Variants in GCNT2 observed in about 807,000 individuals in gnomAD.
GCNT2 encodes N-acetyllactosaminide beta-1,6-N-acetylglucosaminyl-transferase.
GCNT2 carries 34 observed loss-of-function variants against 34.2 expected under a neutral mutation model. The ratio of observed to expected loss-of-function variants is 1.00; its 90% CI spans 0.76 to 1.32. The LOEUF (loss-of-function observed/expected upper bound fraction) is 1.32. Among genes scored for constraint, GCNT2 ranks in the 40% most tolerant of loss-of-function variants. GCNT2 has a pLI of 0.00. For missense variants in GCNT2, 584 were observed against 489.4 expected (o/e 1.19, Z -1.82); for synonymous variants, 212 against 188.0 (o/e 1.13, Z -1.04).
chr6:10,523,725 C>T (rs553557188), intron 1 of GCNT2, among the ~76,000 whole-genome samples: 2 of 152,228 alleles, frequency 1.3e-5, no homozygotes, highest in South Asian at 4.1e-4. Context: ...GTAATCCCAG[C>T]ACTTTGGGAG....
chr6:10,589,188 C>G (rs35959377), intron 3 of GCNT2, among the ~76,000 whole-genome samples: 126,624 of 141,156 alleles, frequency 0.9, 56,139 homozygotes, highest in East Asian at 0.99. Context: ...GTATGTGCGT[C>G]ATGTGTGTAT....
At chr6:10,555,660 A>T in intron 3 of GCNT2, 1 of 812,784 alleles carries the variant, frequency 1.2e-6, no homozygotes, top group Non-Finnish European at 1.5e-6. Context: ...TTTCAGAGTC[A>T]GGAGCCCAAG....
rs141541619 is a variant in GCNT2 at position 10,617,049 on chromosome 6, C to T, written c.926-4302C>T. On this transcript the variant is annotated intron_variant, in intron 3 of 4. Coordinates refer to ENST00000495262, the MANE Select transcript of GCNT2 (RefSeq NM_145649.5). Reference sequence around the variant, plus strand: ...GTGGAGCTGCCTGCCAGTCCCACTCCGTGCGCCTGCACTCCTTAGCCTTTG... The same window carrying T: ...GTGGAGCTGCCTGCCAGTCCCACTCTGTGCGCCTGCACTCCTTAGCCTTTG... Among the ~76,000 whole-genome samples, 17 of 152,358 alleles carry T rather than the reference C, an allele frequency of 1.1e-4. No individual in the cohort carries two copies. In the East Asian group the frequency reaches 3.1e-3, roughly 28 times the overall value.
At chr6:10,561,390 G>T (rs543675823) in intron 3 of GCNT2, among the ~76,000 whole-genome samples, 1 of 152,154 alleles carries the variant, frequency 6.6e-6, no homozygotes, top group Non-Finnish European at 1.5e-5. Context: ...TCGAACTCCC[G>T]ACCTCAGCCG....
At chr6:10,601,939 T>TTAAAAAAAAAAA (rs1561830857) in intron 3 of GCNT2, among the ~76,000 whole-genome samples, 2 of 76,352 alleles carry the variant, frequency 2.6e-5, no homozygotes, top group African/African-American at 1.5e-4. Flanking sequence ...AGACTCCATC[T>TTAAAAAAAAAAA]CAAGAAAAAA....
At chr6:10,613,298 G>A (rs1765634276) in intron 3 of GCNT2, among the ~76,000 whole-genome samples, 1 of 152,134 alleles carries the variant, frequency 6.6e-6, no homozygotes, top group Non-Finnish European at 1.5e-5. Context: ...TGCCTCAAAT[G>A]CTCTGTTTAT....
At chr6:10,621,524 G>A in intron 4 of GCNT2, 81 bp downstream of exon 4, 1 of 873,706 alleles carries the variant, frequency 1.1e-6, no homozygotes, top group Non-Finnish European at 1.9e-6. Flanking sequence ...GGGTTCTCAT[G>A]GAGAGAGAAT....
At chr6:10,563,938 T>C (rs1354272061) in intron 3 of GCNT2, among the ~76,000 whole-genome samples, 1 of 151,912 alleles carries the variant, frequency 6.6e-6, no homozygotes, top group Non-Finnish European at 1.5e-5. Flanking sequence ...AATTCTTCAT[T>C]GAATGATTGC....
At chr6:10,569,273 A>ACACACACC (rs1561806920) in intron 3 of GCNT2, among the ~76,000 whole-genome samples, 1 of 139,608 alleles carries the variant, frequency 7.2e-6, no homozygotes, top group African/African-American at 2.7e-5. Context: ...ACACACACAC[A>ACACACACC]CCCCCTAGGT....
chr6:10,581,799 C>T (rs1764079056), intron 3 of GCNT2: 1 of 984,922 alleles, frequency 1.0e-6, no homozygotes, highest in Non-Finnish European at 1.2e-6. Context: ...TCCAACTTTC[C>T]CCTTCTGTTC....
intron 3 of GCNT2, among the ~76,000 whole-genome samples, chr6:10,540,381 TCTC>T (rs1446428227): frequency 8.8e-6 from 1 of 113,056 alleles, no homozygotes; most frequent in Non-Finnish European, 1.7e-5. Flanking sequence ...TGCTGCTCAT[TCTC>T]CTCTGTTCAA....
chr6:10,543,770 TTA>T (rs1435865985), intron 3 of GCNT2, among the ~76,000 whole-genome samples: 1 of 152,200 alleles, frequency 6.6e-6, no homozygotes, highest in Non-Finnish European at 1.5e-5. Context: ...CCTTTGGACG[TTA>T]TTTCTTTGAA....
chr6:10,550,984 A>G (rs575231152), intron 3 of GCNT2, among the ~76,000 whole-genome samples: 1 of 152,340 alleles, frequency 6.6e-6, no homozygotes, highest in South Asian at 2.1e-4. Flanking sequence ...TGGTAATACA[A>G]TTAATGAGTC....
intron 3 of GCNT2, chr6:10,556,415 C>A: frequency 6.2e-7 from 1 of 1,613,726 alleles, no homozygotes; most frequent in Non-Finnish European, 8.5e-7. Flanking sequence ...TTTCACCCTT[C>A]TTTGAGGCAT....
intron 3 of GCNT2, among the ~76,000 whole-genome samples, chr6:10,573,901 G>T (rs1432803012): frequency 6.6e-6 from 1 of 152,174 alleles, no homozygotes; most frequent in Non-Finnish European, 1.5e-5. Flanking sequence ...ATTTCAGGTG[G>T]CAGAAGCACC....
At chr6:10,606,035 C>G (rs1274437076) in intron 3 of GCNT2, among the ~76,000 whole-genome samples, 1 of 152,138 alleles carries the variant, frequency 6.6e-6, no homozygotes, top group African/African-American at 2.4e-5. Flanking sequence ...AAGTCTTTGG[C>G]CAGGTGCGGT....
chr6:10,564,570 A>G (rs1763192546), intron 3 of GCNT2, among the ~76,000 whole-genome samples: 1 of 152,182 alleles, frequency 6.6e-6, no homozygotes, highest in Non-Finnish European at 1.5e-5. Flanking sequence ...TTAGCATTGC[A>G]ATATGGCACA....
At chr6:10,569,865 C>CTT (rs1272452022) in intron 3 of GCNT2, among the ~76,000 whole-genome samples, 3 of 147,974 alleles carry the variant, frequency 2.0e-5, no homozygotes, top group African/African-American at 7.8e-5. Context: ...CTTTCTCTTT[C>CTT]TTTCTTTCTT....
intron 3 of GCNT2, among the ~76,000 whole-genome samples, chr6:10,538,389 CAA>C (rs1761869433): frequency 1.9e-5 from 2 of 102,940 alleles, no homozygotes; most frequent in Admixed American, 3.2e-4. Context: ...GCCTGGGCGA[CAA>C]GAGTGAGACT....
Sources: gnomAD v4.1 joint callset for allele counts (sites outside exome capture counted in the v4.1 genomes callset) on GRCh38, gnomAD v4.1.1 for gene constraint, MANE v1.5 for transcripts, NCBI Gene and HGNC (gene_info 2026-07-23, HGNC 2026-07-21) for gene names.